Variants in MPHOSPH9 observed in about 807,000 individuals in gnomAD.
The protein encoded by MPHOSPH9 is M-phase phosphoprotein 9.
Under a neutral mutation model 145.5 loss-of-function variants are expected in MPHOSPH9, and 88 were observed. The ratio of observed to expected loss-of-function variants is 0.60; its 90% confidence interval spans 0.51 to 0.72. MPHOSPH9 has a LOEUF of 0.72. Among genes scored for constraint, MPHOSPH9 ranks in the 30% least tolerant of loss-of-function variants. The pLI is 0.00. For missense variants in MPHOSPH9, 1,238 were observed against 1,386.6 expected (o/e 0.89, Z 1.70); for synonymous variants, 435 against 486.2 (o/e 0.89, Z 1.39).
In MPHOSPH9 at chr12:123,186,227, CAAAAA is replaced by C. The variant is rs35294099; in HGVS notation, c.2242-5022_2242-5018del. Among the ~76,000 whole-genome samples the C allele has an allele frequency of 1.2e-4, 12 of 101,298 alleles. No homozygotes were observed. In the South Asian group the frequency reaches 3.0e-3, roughly 25 times the overall value. 66.5% of individuals were successfully genotyped at this position (101,298 alleles called of 152,430 possible). A position where few individuals can be genotyped will look rare whatever the true frequency, so the allele number is the denominator to read the frequency against. Reference sequence around the variant, plus strand: ...GGGCAATAAGAGCAAAACTCCGTCTCAAAAAAAAAAAAAAAAAAAAAAAAGAGATT... The same window carrying C: ...GGGCAATAAGAGCAAAACTCCGTCTCAAAAAAAAAAAAAAAAAAAGAGATT... On this transcript the variant is annotated intron_variant, in intron 13 of 23. Coordinates refer to ENST00000606320, the MANE Select transcript of MPHOSPH9 (RefSeq NM_022782.4).
chr12:123,216,815 C>T (rs990260590), intron 6 of MPHOSPH9, among the ~76,000 whole-genome samples: 5 of 151,918 alleles, frequency 3.3e-5, no homozygotes, highest in Non-Finnish European at 7.4e-5. Context: ...ATGGCGAGAC[C>T]CCATCTCTAC....
chr12:123,177,336 C>T (rs2044922742), intron 15 of MPHOSPH9, among the ~76,000 whole-genome samples: 1 of 151,884 alleles, frequency 6.6e-6, no homozygotes, highest in African/African-American at 2.4e-5. Context: ...GAGTTCGAGC[C>T]CAGCCTGGCC....
At chr12:123,233,829 C>T (rs532671344), upstream of MPHOSPH9, 2 of 153,024 alleles carry the variant, frequency 1.3e-5, no homozygotes, top group African/African-American at 2.4e-5. Context: ...CCACGGAGGC[C>T]CAAGGCGAAA....
At chr12:123,172,400 T>G (rs2044623128) in intron 16 of MPHOSPH9, among the ~76,000 whole-genome samples, 2 of 152,158 alleles carry the variant, frequency 1.3e-5, no homozygotes, top group African/African-American at 2.4e-5. Flanking sequence ...TGGTGTAATC[T>G]TGGCTCACTG....
chr12:123,187,356 G>C, intron 13 of MPHOSPH9, among the ~76,000 whole-genome samples: 1 of 152,070 alleles, frequency 6.6e-6, no homozygotes, highest in Non-Finnish European at 1.5e-5. Context: ...AACAAAGGAT[G>C]TAAAAGGCCT....
At chr12:123,230,151 AAATAAT>A in intron 2 of MPHOSPH9, 104 bp downstream of exon 2, 1 of 677,526 alleles carries the variant, frequency 1.5e-6, no homozygotes, top group Non-Finnish European at 2.4e-6. Flanking sequence ...ATAGGTTAAA[AAATAAT>A]AATAATTCAA....
At chr12:123,181,267 T>C in intron 13 of MPHOSPH9, 57 bp from the exon 14 acceptor site, 4 of 1,473,764 alleles carry the variant, frequency 2.7e-6, no homozygotes, top group Non-Finnish European at 3.8e-6. Context: ...TTCTATCAAC[T>C]GAGGTACAGT....
intron 8 of MPHOSPH9, 94 bp downstream of exon 8, chr12:123,209,962 T>C: frequency 1.4e-6 from 1 of 713,038 alleles, no homozygotes; most frequent in Non-Finnish European, 2.3e-6. Context: ...GGTCTTGATC[T>C]CCTGACCTCA....
At chr12:123,186,053 C>T (rs529724176) in intron 13 of MPHOSPH9, among the ~76,000 whole-genome samples, 13 of 151,580 alleles carry the variant, frequency 8.6e-5, no homozygotes, top group Non-Finnish European at 1.8e-4. Context: ...GGTGAAACCC[C>T]GTTTCTACTA....
At chr12:123,210,378 G>A (rs1302822363) in intron 7 of MPHOSPH9, among the ~76,000 whole-genome samples, 3 of 152,120 alleles carry the variant, frequency 2.0e-5, no homozygotes, top group Non-Finnish European at 4.4e-5. Flanking sequence ...AAAAAGTCAA[G>A]ATGAGTTGGT....
downstream of MPHOSPH9, chr12:123,154,134 C>G (rs1463167186): frequency 1.3e-5 from 2 of 151,976 alleles, no homozygotes; most frequent in Non-Finnish European, 2.9e-5. Flanking sequence ...AGGAAGGGGG[C>G]AGATCCAGGC....
chr12:123,176,190 A>G (rs1480083091), intron 16 of MPHOSPH9, among the ~76,000 whole-genome samples: 1 of 152,192 alleles, frequency 6.6e-6, no homozygotes, highest in Admixed American at 6.5e-5. Flanking sequence ...TATAAAAATA[A>G]TGTATTCTGT....
chr12:123,189,751 G>A (rs1421337210), intron 13 of MPHOSPH9, among the ~76,000 whole-genome samples: 3 of 151,830 alleles, frequency 2.0e-5, no homozygotes, highest in East Asian at 1.9e-4. Flanking sequence ...TGGCTAACAC[G>A]GTGAAACCCC....
rs2046291131 is a variant in MPHOSPH9 at position 123,203,101 on chromosome 12, A to G, written c.1321-17T>C. On this transcript the variant is annotated splice_polypyrimidine_tract_variant and intron_variant, in intron 9 of 23. Coordinates refer to ENST00000606320, the MANE Select transcript of MPHOSPH9 (RefSeq NM_022782.4). ...AGTCAGGACCTGGAAACCAGACAACAACGAAGTCTTACCCTCAGAACTCGG... is the reference window on the plus strand; with the variant it reads ...AGTCAGGACCTGGAAACCAGACAACGACGAAGTCTTACCCTCAGAACTCGG... 6.2e-7 allele frequency: 1 copy of G among 1,604,948 alleles called. No individual in the cohort carries two copies. Among genetic ancestry groups the G allele is most frequent in the Non-Finnish European group, 8.5e-7 (1 of 1,176,212 alleles).
intron 16 of MPHOSPH9, among the ~76,000 whole-genome samples, chr12:123,173,308 T>G (rs998521403): frequency 6.6e-6 from 1 of 152,212 alleles, no homozygotes; most frequent in African/African-American, 2.4e-5. Context: ...CAATGTGAGA[T>G]TATGACATAT....
At chr12:123,212,946 G>A (rs2046803048) in intron 7 of MPHOSPH9, among the ~76,000 whole-genome samples, 1 of 147,860 alleles carries the variant, frequency 6.8e-6, no homozygotes, top group African/African-American at 2.5e-5. Context: ...TGCAAGCTCT[G>A]CCTCCTGGGT....
intron 6 of MPHOSPH9, among the ~76,000 whole-genome samples, 162 bp from the exon 7 acceptor site, chr12:123,214,996 C>A (rs1336891106): frequency 6.6e-6 from 1 of 152,220 alleles, no homozygotes; most frequent in Admixed American, 6.5e-5. Context: ...ATGATCCCAG[C>A]ACTTTGGGAG....
At chr12:123,221,251 T>C (rs1470033668) in intron 5 of MPHOSPH9, 121 bp downstream of exon 5, 4 of 830,564 alleles carry the variant, frequency 4.8e-6, no homozygotes, top group East Asian at 2.7e-5. Flanking sequence ...TTTATTTCAA[T>C]TTTCTACAGG....
chr12:123,195,726 C>G (rs2045917575), intron 12 of MPHOSPH9, among the ~76,000 whole-genome samples: 1 of 151,944 alleles, frequency 6.6e-6, no homozygotes. Context: ...ATAATAGTCC[C>G]GAATGTCATG....
Sources: gnomAD v4.1 joint callset for allele counts (sites outside exome capture counted in the v4.1 genomes callset) on GRCh38, gnomAD v4.1.1 for gene constraint, MANE v1.5 for transcripts, NCBI Gene and HGNC (gene_info 2026-07-23, HGNC 2026-07-21) for gene names.